The following SRC variants were observed in gnomAD, a reference collection of about 807,000 sequenced individuals.
SRC encodes SRC proto-oncogene, non-receptor tyrosine kinase.
In SRC, 13 loss-of-function variants were observed where a neutral mutation model predicts 62.9. That is an observed-to-expected ratio of 0.21 (90% CI 0.13 to 0.33). The LOEUF is 0.33. SRC is among the 10% of genes least tolerant of loss of function. The probability of loss-of-function intolerance (pLI) is 1.00; values close to 1 mark genes in which losing one functional copy is unlikely to be tolerated. For missense variants in SRC, 457 were observed against 737.3 expected (o/e 0.62, Z 4.40); for synonymous variants, 302 against 317.5 (o/e 0.95, Z 0.52).
intron 2 of SRC, among the ~76,000 whole-genome samples, chr20:37,373,424 T>C (rs560146160): frequency 6.6e-6 from 1 of 151,622 alleles, no homozygotes; most frequent in South Asian, 2.1e-4. Context: ...TACGCATATA[T>C]GCGTGTATAT....
At position 37,355,206 on chromosome 20, in the gene SRC, T is replaced by A. The variant is rs2069863255; in HGVS notation, c.-247+8951T>A. Among the ~76,000 whole-genome samples the A allele has an allele frequency of 2.6e-5, 4 of 152,144 alleles. No individual in the cohort carries two copies. The South Asian group carries it at 8.3e-4, about 32-fold the overall frequency. On this transcript the variant is annotated intron_variant, in intron 1 of 13. Coordinates refer to ENST00000373578, the MANE Select transcript of SRC (RefSeq NM_198291.3). ...TGCCCTCTAAACTTTAGATTTGTGT[T>A]TGAAGCCTCGGGAGCAGCCTCCTGC...
At chr20:37,374,632 T>C (rs1379713901) in intron 2 of SRC, among the ~76,000 whole-genome samples, 3 of 147,626 alleles carry the variant, frequency 2.0e-5, no homozygotes, top group African/African-American at 5.0e-5. Flanking sequence ...TGGAGTACAG[T>C]AGCGTAATCT....
rs1742025382 is a variant in SRC, at chr20:37,397,211, T to G, written c.704-488T>G. Among the ~76,000 whole-genome samples the G allele has an allele frequency of 6.6e-6, 1 of 152,184 alleles. No individual in the cohort carries two copies. The highest frequency in any genetic ancestry group is 2.1e-4 in the South Asian group (1 of 4,822). On this transcript the variant is annotated intron_variant, in intron 8 of 13. Transcript: ENST00000373578. This position sits in a 1 kb window ranked among gnomAD's most constrained non-coding sequence, Gnocchi z 4.1. ...TGCAGCTGTTCTTTCCTCAGAGCCT[T>G]TGCTCTGGCTGTGCCCCTGCCTGGA... is the stretch of plus-strand genomic sequence containing the variant.
At chr20:37,352,613 G>A (rs940457777) in intron 1 of SRC, among the ~76,000 whole-genome samples, 14 of 152,300 alleles carry the variant, frequency 9.2e-5, no homozygotes, top group African/African-American at 3.4e-4. Flanking sequence ...TTCAAAGGTG[G>A]ATTCTATTTG....
intron 5 of SRC, chr20:37,386,522 CG>C (rs1568636136): frequency 1.5e-5 from 7 of 458,694 alleles, no homozygotes; most frequent in African/African-American, 2.1e-5. Flanking sequence ...GGGTGCTTCG[CG>C]GGGGGTGGGG....
Position 37,384,058 on chromosome 20 carries a change from G to A in SRC, c.-4-92G>A, listed in dbSNP as rs1256620350. ...GCCCTGCTGCCTCTCCTTGGGCCTC[G>A]TTTTCCCTATCTGTGGAATGGGTGG... is the stretch of plus-strand genomic sequence containing the variant. On this transcript the variant is annotated intron_variant, in intron 3 of 13. Coordinates refer to ENST00000373578, the MANE Select transcript of SRC (RefSeq NM_198291.3). This position sits in a 1 kb window ranked among gnomAD's most constrained non-coding sequence, Gnocchi z 6.7. 3.9e-6 allele frequency: 6 copies of A among 1,529,578 alleles called. No individual in the cohort carries two copies. The highest frequency in any genetic ancestry group is 5.2e-6 in the Non-Finnish European group (6 of 1,144,946). The allele number at this position is 1,529,578 out of a possible 1,614,324, so 94.8% of individuals were successfully genotyped here. A position where few individuals can be genotyped will look rare whatever the true frequency, so the allele number is the denominator to read the frequency against.
At chr20:37,378,689 T>A (rs945186564) in intron 2 of SRC, among the ~76,000 whole-genome samples, 2 of 152,172 alleles carry the variant, frequency 1.3e-5, no homozygotes, top group Admixed American at 1.3e-4. Context: ...AGGTTGTTAA[T>A]GGCTTTCTGT....
At chr20:37,360,630 C>T (rs529482955) in intron 1 of SRC, among the ~76,000 whole-genome samples, 1 of 152,252 alleles carries the variant, frequency 6.6e-6, no homozygotes, top group Admixed American at 6.5e-5. Flanking sequence ...TGCCATAAAG[C>T]GAGGTTCATA....
chr20:37,362,395 C>A (rs143760526), intron 1 of SRC, among the ~76,000 whole-genome samples: 4 of 152,224 alleles, frequency 2.6e-5, no homozygotes, highest in Non-Finnish European at 4.4e-5. Context: ...TCCATTCAGC[C>A]ACGTGGTGGT....
At chr20:37,386,445 C>G (rs1254008082) in intron 5 of SRC, 3 of 716,978 alleles carry the variant, frequency 4.2e-6, no homozygotes, top group Non-Finnish European at 7.8e-6. Flanking sequence ...CTGCTTCTCT[C>G]TCGCTGGCCC....
At chr20:37,358,571 C>T (rs754825535) in intron 1 of SRC, among the ~76,000 whole-genome samples, 5 of 152,238 alleles carry the variant, frequency 3.3e-5, no homozygotes, top group Non-Finnish European at 5.9e-5. Context: ...CCAGGCAGTA[C>T]GCTTCCTTGG....
intron 9 of SRC, among the ~76,000 whole-genome samples, chr20:37,399,285 C>G (rs115886391): frequency 1.0e-3 from 158 of 152,260 alleles, no homozygotes; most frequent in Non-Finnish European, 1.8e-3. Context: ...AGCCTGACCC[C>G]CAAGCCCTCA....
chr20:37,356,929 C>A (rs146864801), intron 1 of SRC, among the ~76,000 whole-genome samples: 1 of 152,222 alleles, frequency 6.6e-6, no homozygotes, highest in East Asian at 1.9e-4. Flanking sequence ...TTTCCCCATC[C>A]GCAAAAATGG....
chr20:37,377,593 C>T (rs1035713991), intron 2 of SRC, among the ~76,000 whole-genome samples: 3 of 152,094 alleles, frequency 2.0e-5, no homozygotes, highest in African/African-American at 4.8e-5. Context: ...TGGGACACGC[C>T]GTGGGAGCAT....
chr20:37,373,023 T>TAC (rs1237908959), intron 2 of SRC, among the ~76,000 whole-genome samples: 1 of 151,098 alleles, frequency 6.6e-6, no homozygotes, highest in African/African-American at 2.5e-5. Flanking sequence ...TGCATATATA[T>TAC]ACACATATAT....
At chr20:37,373,208 A>G (rs1055413100) in intron 2 of SRC, among the ~76,000 whole-genome samples, 3 of 146,504 alleles carry the variant, frequency 2.0e-5, no homozygotes, top group African/African-American at 8.2e-5. Context: ...GTACATATCT[A>G]CACACATGTA....
rs752406826 is a variant in SRC, at chr20:37,386,072, C to A, written c.251-3C>A. 4 of 1,609,334 alleles carry A rather than the reference C, an allele frequency of 2.5e-6. No homozygotes were observed. Among genetic ancestry groups the A allele is most frequent in the East Asian group, 2.2e-5 (1 of 44,852 alleles). ...TTCTGACACACCCCACCCCTCTCTG[C>A]AGGTGGAGTGACCACCTTTGTGGCC... On this transcript the variant is annotated splice_region_variant and splice_polypyrimidine_tract_variant and intron_variant, in intron 4 of 13. Transcript: ENST00000373578.
At chr20:37,389,845 CCTT>C (rs2070517440) in intron 5 of SRC, among the ~76,000 whole-genome samples, 1 of 152,122 alleles carries the variant, frequency 6.6e-6, no homozygotes, top group Non-Finnish European at 1.5e-5. Context: ...GACTCTTGGC[CCTT>C]CTTCTAGCCA....
chr20:37,383,219 T>G (rs1233175904), intron 3 of SRC, among the ~76,000 whole-genome samples: 2 of 152,172 alleles, frequency 1.3e-5, no homozygotes, highest in African/African-American at 4.8e-5. Context: ...TGGGGAACAC[T>G]TCCCAAGGAG....
Sources: allele counts gnomAD v4.1 joint callset (sites outside exome capture counted in the v4.1 genomes callset), GRCh38; gene constraint gnomAD v4.1.1; non-coding constraint Gnocchi (gnomAD v3.1); transcripts MANE v1.5; gene names NCBI Gene and HGNC (gene_info 2026-07-23, HGNC 2026-07-21).